Variants in XXYLT1 observed in about 807,000 individuals in gnomAD.
XXYLT1 encodes xyloside xylosyltransferase 1.
Under a neutral mutation model 28.9 loss-of-function variants are expected in XXYLT1, and 20 were observed. That is an observed-to-expected ratio of 0.69 (90% confidence interval 0.49 to 1.00). XXYLT1 has a LOEUF of 1.00. Ranked by LOEUF, XXYLT1 falls within the 50% of genes least tolerant of loss-of-function variation. XXYLT1 has a pLI of 0.00. For synonymous variants in XXYLT1, 257 were observed against 253.8 expected (o/e 1.01, Z -0.12); for missense variants, 542 against 560.1 (o/e 0.97, Z 0.33).
At chr3:195,253,179 G>C (rs1725340666) in intron 1 of XXYLT1, among the ~76,000 whole-genome samples, 1 of 152,096 alleles carries the variant, frequency 6.6e-6, no homozygotes, top group Non-Finnish European at 1.5e-5. Context: ...CGGGGCCCAG[G>C]GAAGGCTGCC....
rs59190596 is a variant in XXYLT1, at chr3:195,180,410, G to A, written c.653-23829C>T. On this transcript the variant is annotated intron_variant, in intron 2 of 3. Transcript: ENST00000310380. The surrounding 1 kb of genome is among the most constrained non-coding windows in gnomAD (Gnocchi z 5.8). ...ACACACTTCCTTCGGCTGCAGCCTC[G>A]CCGATTCCCGAGCTGTTTCCTGCTG... 12 of 985,566 alleles carry A rather than the reference G, an allele frequency of 1.2e-5. No individual in the cohort carries two copies. Among genetic ancestry groups the A allele is most frequent in the East Asian group, 1.1e-4 (1 of 8,804 alleles). 61.1% of individuals were successfully genotyped at this position (985,566 alleles called of 1,614,324 possible).
At chr3:195,136,278 G>C (rs998399082) in intron 3 of XXYLT1, among the ~76,000 whole-genome samples, 1 of 152,166 alleles carries the variant, frequency 6.6e-6, no homozygotes, top group African/African-American at 2.4e-5. Context: ...CTATAGGTTT[G>C]AATGAAAAGA....
intron 3 of XXYLT1, among the ~76,000 whole-genome samples, chr3:195,112,795 C>G (rs1717842476): frequency 6.6e-6 from 1 of 150,840 alleles, no homozygotes; most frequent in African/African-American, 2.4e-5. Context: ...ACACGCAGCT[C>G]CCAGCCCCAG....
intron 1 of XXYLT1, among the ~76,000 whole-genome samples, chr3:195,239,265 G>C (rs2108820949): frequency 6.6e-6 from 1 of 152,332 alleles, no homozygotes; most frequent in Non-Finnish European, 1.5e-5. Context: ...ACCTTCCCAA[G>C]GATGGGCTGG....
intron 1 of XXYLT1, among the ~76,000 whole-genome samples, chr3:195,258,797 A>C (rs905447716): frequency 1.4e-4 from 21 of 152,214 alleles, no homozygotes; most frequent in African/African-American, 5.1e-4. Context: ...TATTGCCAAG[A>C]GGTAGGGGAG....
intron 2 of XXYLT1, among the ~76,000 whole-genome samples, chr3:195,167,916 A>G (rs1163077124): frequency 1.3e-5 from 2 of 152,084 alleles, no homozygotes; most frequent in African/African-American, 4.8e-5. Flanking sequence ...GCTTAGAAAA[A>G]TCTCCAGGAT....
chr3:195,110,323 G>GTGTGTGTATGTGTGGGT (rs561073733), intron 3 of XXYLT1, among the ~76,000 whole-genome samples: 59 of 17,044 alleles, frequency 3.5e-3, no homozygotes, highest in Middle Eastern at 0.071. Flanking sequence ...TGTGGGTGAG[G>GTGTGTGTATGTGTGGGT]GTGAGGTGTG....
rs1233684675 is a variant in XXYLT1, at chr3:195,180,628, C to T, written c.653-24047G>A. The stretch of plus-strand genomic sequence containing the variant: ...GCCCCGTCTGGCTAAGAGCACCAGA[C>T]GGCGGTGGCTGGAGCACCCCGTGCC... On this transcript the variant is annotated intron_variant, in intron 2 of 3. Transcript: ENST00000310380. This position sits in a 1 kb window ranked among gnomAD's most constrained non-coding sequence, Gnocchi z 5.8. The T allele has an allele frequency of 4.1e-5, 37 of 894,940 alleles. No homozygotes were observed. The highest frequency in any genetic ancestry group is 4.7e-5 in the Non-Finnish European group (35 of 747,452). 55.4% of individuals were successfully genotyped at this position (894,940 alleles called of 1,614,324 possible). A position where few individuals can be genotyped will look rare whatever the true frequency, so the allele number is the denominator to read the frequency against.
At chr3:195,172,379 C>T (rs756148257) in intron 2 of XXYLT1, among the ~76,000 whole-genome samples, 2 of 152,236 alleles carry the variant, frequency 1.3e-5, no homozygotes, top group African/African-American at 2.4e-5. Context: ...AACGTGAGCA[C>T]GGTCCCAGGT....
intron 3 of XXYLT1, among the ~76,000 whole-genome samples, chr3:195,123,668 G>A (rs192576909): frequency 1.6e-4 from 24 of 152,300 alleles, no homozygotes; most frequent in Admixed American, 5.9e-4. Flanking sequence ...GAATGATTGC[G>A]GATTCCAAGG....
intron 1 of XXYLT1, among the ~76,000 whole-genome samples, 171 bp from the exon 2 acceptor site, chr3:195,227,027 A>G (rs1724086316): frequency 6.6e-6 from 1 of 152,094 alleles, no homozygotes; most frequent in Non-Finnish European, 1.5e-5. Context: ...AACGAGAAAC[A>G]ACCAGGAGTC....
chr3:195,261,296 G>A (rs777664766), intron 1 of XXYLT1, among the ~76,000 whole-genome samples: 11 of 152,184 alleles, frequency 7.2e-5, no homozygotes, highest in Non-Finnish European at 1.6e-4. Context: ...AGCCGGGCAC[G>A]GTGGCGCACG....
At chr3:195,116,948 G>T (rs1259317035) in intron 3 of XXYLT1, among the ~76,000 whole-genome samples, 1 of 152,076 alleles carries the variant, frequency 6.6e-6, no homozygotes, top group East Asian at 1.9e-4. Context: ...AAGTAACAAT[G>T]AAGTGTTACT....
At chr3:195,213,263 C>CTTTTTTT (rs924778735) in intron 2 of XXYLT1, among the ~76,000 whole-genome samples, 1 of 129,072 alleles carries the variant, frequency 7.7e-6, no homozygotes, top group African/African-American at 3.2e-5. Context: ...TTCTTTCTTT[C>CTTTTTTT]TTTTTTTTTT....
chr3:195,096,085 C>T (rs537473581), intron 3 of XXYLT1: 3 of 152,406 alleles, frequency 2.0e-5, no homozygotes, highest in South Asian at 2.1e-4. Flanking sequence ...ATCCTTAGCA[C>T]GCGTTTATGG....
chr3:195,202,404 C>CAA (rs552172950), intron 2 of XXYLT1, among the ~76,000 whole-genome samples: 1,871 of 55,950 alleles, frequency 0.033, 62 homozygotes, highest in Middle Eastern at 0.11. Context: ...GGTCCCTGGC[C>CAA]AAAAAAAAAA....
At chr3:195,199,689 T>C (rs1722771829) in intron 2 of XXYLT1, among the ~76,000 whole-genome samples, 1 of 152,188 alleles carries the variant, frequency 6.6e-6, no homozygotes, top group Non-Finnish European at 1.5e-5. Flanking sequence ...ATCATCTATC[T>C]GCTCCCATCA....
Position 195,270,733 on chromosome 3 carries a change from T to C in XXYLT1, c.326A>G (p.Glu109Gly). Residue 109 changes from glutamate to glycine, a missense_variant, in exon 1 of 4, where the codon GAG becomes GGG. Physicochemically the swap from Glu to Gly is moderately conservative, Grantham distance 98. Coordinates refer to ENST00000310380, the MANE Select transcript of XXYLT1 (RefSeq NM_152531.5). ...CTTGGCCTGCAGCGCGGCATTGTGCTCCGCCTTGGTGAACATCATCAGCAG... is the reference window on the plus strand; with the variant it reads ...CTTGGCCTGCAGCGCGGCATTGTGCCCCGCCTTGGTGAACATCATCAGCAG... ...YHLLMMFTKA[E>G]HNAALQAKAR... 6.3e-7 allele frequency: 1 copy of C among 1,590,352 alleles called. No homozygotes were observed. Among genetic ancestry groups the C allele is most frequent in the East Asian group, 2.4e-5 (1 of 41,780 alleles).
In XXYLT1 at chr3:195,240,687, G is replaced by A. The variant is rs1018828850; in HGVS notation, c.505-13831C>T. The stretch of plus-strand genomic sequence containing the variant: ...TTCACCCATCTCCTCCCCATGCGCC[G>A]CCAGAGACCATCCCCCAGCACAGCT... On this transcript the variant is annotated intron_variant, in intron 1 of 3. Transcript: ENST00000310380. The surrounding 1 kb of genome is among the most constrained non-coding windows in gnomAD (Gnocchi z 4.7). 6.6e-6 allele frequency among the ~76,000 whole-genome samples: 1 copy of A among 152,214 alleles called. No individual in the cohort carries two copies. The highest frequency in any genetic ancestry group is 6.5e-5 in the Admixed American group (1 of 15,270).
Sources: allele counts gnomAD v4.1 joint callset (sites outside exome capture counted in the v4.1 genomes callset), GRCh38; gene constraint gnomAD v4.1.1; non-coding constraint Gnocchi (gnomAD v3.1); transcripts MANE v1.5; gene names NCBI Gene and HGNC (gene_info 2026-07-23, HGNC 2026-07-21).